The following TENT2 variants were observed in gnomAD, a reference collection of about 807,000 sequenced individuals.
TENT2 encodes the protein terminal nucleotidyltransferase 2.
In TENT2, 44 loss-of-function variants were observed where a neutral mutation model predicts 72.2. That is an observed-to-expected ratio of 0.61 (90% CI 0.48 to 0.78). The LOEUF (loss-of-function observed/expected upper bound fraction) is 0.78. TENT2 is among the 30% of genes least tolerant of loss of function. TENT2 has a pLI of 0.00. For synonymous variants in TENT2, 212 were observed against 192.5 expected (o/e 1.10, Z -0.84); for missense variants, 541 against 569.6 (o/e 0.95, Z 0.51).
intron 13 of TENT2, among the ~76,000 whole-genome samples, chr5:79,680,037 C>T (rs1322568802): frequency 6.6e-6 from 1 of 152,052 alleles, no homozygotes; most frequent in African/African-American, 2.4e-5. Context: ...GCAAGTTGGA[C>T]TTTTATTAAT....
At chr5:79,670,482 G>T (rs192752172) in intron 12 of TENT2, among the ~76,000 whole-genome samples, 1 of 151,266 alleles carries the variant, frequency 6.6e-6, no homozygotes, top group Non-Finnish European at 1.5e-5. Flanking sequence ...CCGTGACCAC[G>T]CCTGGCTAAT....
intron 11 of TENT2, among the ~76,000 whole-genome samples, chr5:79,662,995 C>T (rs1296735373): frequency 1.3e-5 from 2 of 152,162 alleles, no homozygotes; most frequent in Non-Finnish European, 2.9e-5. Flanking sequence ...GTTAATTTAG[C>T]GAGATAACTT....
At chr5:79,616,430 G>C (rs1232753363) in intron 1 of TENT2, among the ~76,000 whole-genome samples, 1 of 151,808 alleles carries the variant, frequency 6.6e-6, no homozygotes, top group African/African-American at 2.4e-5. Context: ...CCTGACCTTA[G>C]GTGATCCATC....
intron 14 of TENT2, 42 bp from the exon 15 acceptor site, chr5:79,685,157 A>T (rs775883510): frequency 2.1e-6 from 3 of 1,396,952 alleles, no homozygotes; most frequent in African/African-American, 1.4e-5. Flanking sequence ...TTTGTTCTGC[A>T]TAAATTTTAG....
At chr5:79,658,730 A>G (rs1157909701) in intron 11 of TENT2, among the ~76,000 whole-genome samples, 1 of 152,320 alleles carries the variant, frequency 6.6e-6, no homozygotes, top group South Asian at 2.1e-4. Context: ...TGCTACATGA[A>G]GCTCTTTTTA....
intron 7 of TENT2, among the ~76,000 whole-genome samples, chr5:79,643,383 G>GTTGAC (rs1445348488): frequency 2.0e-5 from 3 of 152,136 alleles, no homozygotes; most frequent in Non-Finnish European, 4.4e-5. Flanking sequence ...AAAGCTAATT[G>GTTGAC]TTGACTTAAG....
chr5:79,645,232 A>G, intron 8 of TENT2, 40 bp downstream of exon 8: 1 of 1,490,790 alleles, frequency 6.7e-7, no homozygotes, highest in South Asian at 1.2e-5. Flanking sequence ...GTTCCTTTAG[A>G]TCATTTTTAG....
chr5:79,684,604 T>A (rs1291404405), intron 14 of TENT2, among the ~76,000 whole-genome samples: 1 of 152,210 alleles, frequency 6.6e-6, no homozygotes, highest in Non-Finnish European at 1.5e-5. Context: ...TGTAAGACAG[T>A]CAATCAAATA....
At chr5:79,637,638 G>C (rs1480421207) in intron 4 of TENT2, among the ~76,000 whole-genome samples, 1 of 151,968 alleles carries the variant, frequency 6.6e-6, no homozygotes, top group East Asian at 1.9e-4. Context: ...TGTTACCAAG[G>C]CTTGTCTCGG....
intron 4 of TENT2, among the ~76,000 whole-genome samples, chr5:79,623,873 T>G (rs934071176): frequency 2.0e-5 from 3 of 152,030 alleles, no homozygotes; most frequent in Admixed American, 1.3e-4. Context: ...GTTTTTTGAA[T>G]GTCAAAAATA....
rs1253548106 is a variant in TENT2, at chr5:79,688,122, C to T, written c.*2849C>T. On this transcript the variant is annotated 3_prime_UTR_variant, in exon 15 of 15. Transcript: ENST00000453514. Reference sequence around the variant, plus strand: ...AATTCAATGATTTACAGTTCATTACCTCCAGACATAATGCATGCATACCAG... The same window carrying T: ...AATTCAATGATTTACAGTTCATTACTTCCAGACATAATGCATGCATACCAG... 6.6e-6 allele frequency among the ~76,000 whole-genome samples: 1 copy of T among 152,132 alleles called. No homozygotes were observed. Among genetic ancestry groups the T allele is most frequent in the Non-Finnish European group, 1.5e-5 (1 of 68,032 alleles).
intron 4 of TENT2, among the ~76,000 whole-genome samples, chr5:79,634,042 G>A (rs1219808589): frequency 2.7e-5 from 4 of 147,558 alleles, no homozygotes; most frequent in Non-Finnish European, 6.0e-5. Context: ...GGTGGCGGAC[G>A]CCTATAGTCC....
At chr5:79,667,236 A>T (rs557098709) in intron 11 of TENT2, among the ~76,000 whole-genome samples, 110 of 152,350 alleles carry the variant, frequency 7.2e-4, no homozygotes, top group African/African-American at 2.6e-3. Context: ...TCATAAATTG[A>T]ATGCTAATTG....
At chr5:79,614,309 G>GC (rs1757762368) in intron 1 of TENT2, among the ~76,000 whole-genome samples, 1 of 151,746 alleles carries the variant, frequency 6.6e-6, no homozygotes, top group African/African-American at 2.4e-5. Context: ...CACCATGTTG[G>GC]CCAGGCTGGT....
At chr5:79,639,477 G>GTTTT (rs368927693) in intron 4 of TENT2, among the ~76,000 whole-genome samples, 10 of 145,250 alleles carry the variant, frequency 6.9e-5, no homozygotes, top group South Asian at 2.2e-4. Context: ...AGTGAAGGTG[G>GTTTT]TTTTTTTTTT....
At chr5:79,653,292 C>T (rs1412108672) in intron 10 of TENT2, among the ~76,000 whole-genome samples, 1 of 151,700 alleles carries the variant, frequency 6.6e-6, no homozygotes, top group Non-Finnish European at 1.5e-5. Context: ...TGAGACCAGC[C>T]TGAGCAATAT....
chr5:79,681,496 C>T (rs528878209), intron 13 of TENT2, among the ~76,000 whole-genome samples: 88 of 152,178 alleles, frequency 5.8e-4, no homozygotes, highest in Non-Finnish European at 1.2e-3. Context: ...TCCACTTGGG[C>T]CATAACTCCC....
chr5:79,663,793 T>C (rs945724330), intron 11 of TENT2, among the ~76,000 whole-genome samples: 4 of 152,036 alleles, frequency 2.6e-5, no homozygotes, highest in Non-Finnish European at 2.9e-5. Context: ...GCTGGAAAAA[T>C]GGCACTGCTG....
intron 12 of TENT2, among the ~76,000 whole-genome samples, chr5:79,674,783 A>C (rs1393459187): frequency 6.6e-6 from 1 of 152,344 alleles, no homozygotes; most frequent in East Asian, 1.9e-4. Flanking sequence ...ATTGGGGATG[A>C]GAAGGAACTA....
Sources: allele counts gnomAD v4.1 joint callset (sites outside exome capture counted in the v4.1 genomes callset), GRCh38; gene constraint gnomAD v4.1.1; transcripts MANE v1.5; gene names NCBI Gene and HGNC (gene_info 2026-07-23, HGNC 2026-07-21).